SH3PXD2A: variants seen among roughly 807,000 people sequenced by gnomAD.
SH3PXD2A encodes the protein SH3 and PX domains 2A, also known as SH3 and PX domain-containing protein 2A.
SH3PXD2A carries 32 observed loss-of-function variants against 115.2 expected under a neutral mutation model. That is an observed-to-expected ratio of 0.28 (90% CI 0.21 to 0.37). The LOEUF (loss-of-function observed/expected upper bound fraction) is 0.37, where lower values mean the gene tolerates loss of function less well. SH3PXD2A is among the 10% of genes least tolerant of loss of function. The pLI is 1.00. For synonymous variants in SH3PXD2A, 610 were observed against 629.1 expected, an observed-to-expected ratio of 0.97 and a Z score of 0.45; for missense variants, 1,328 against 1,498.7, an observed-to-expected ratio of 0.89 and a Z score of 1.88.
intron 3 of SH3PXD2A, chr10:103,749,949 C>T (rs1303947994): frequency 6.6e-6 from 1 of 152,238 alleles, no homozygotes; most frequent in East Asian, 1.9e-4. Flanking sequence ...GTCAAGCCTT[C>T]AGCTGAATCT....
intron 1 of SH3PXD2A, among the ~76,000 whole-genome samples, chr10:103,803,501 G>A (rs1171682762): frequency 6.6e-6 from 1 of 152,120 alleles, no homozygotes; most frequent in Non-Finnish European, 1.5e-5. Context: ...GCCCAATAAG[G>A]TAGCTACCAC....
At chr10:103,603,893 A>G (rs745982454) in intron 14 of SH3PXD2A, 104 bp from the exon 15 acceptor site, 173 of 1,285,222 alleles carry the variant, frequency 1.3e-4, no homozygotes, top group Non-Finnish European at 1.7e-4. Context: ...AATTATCTCC[A>G]TTTTACAGAT....
intron 1 of SH3PXD2A, among the ~76,000 whole-genome samples, chr10:103,837,726 A>G (rs562496633): frequency 6.6e-6 from 1 of 152,302 alleles, no homozygotes; most frequent in East Asian, 1.9e-4. Flanking sequence ...TGAAATAGGC[A>G]GGAGAACTGT....
chr10:103,626,868 A>G (rs2036704802), intron 9 of SH3PXD2A, among the ~76,000 whole-genome samples: 1 of 152,104 alleles, frequency 6.6e-6, no homozygotes, highest in South Asian at 2.1e-4. Context: ...TAGGGGTCTG[A>G]GCCATCCCTC....
chr10:103,602,984 C>T lies in SH3PXD2A; in HGVS notation c.2234G>A (p.Gly745Glu). Reference protein sequence around the residue: ...RAKKDADANAGLTSCPRAKPS... With the variant: ...RAKKDADANAELTSCPRAKPS... Reference sequence around the variant, plus strand: ...CTTGGCCCGGGGACAGGAGGTCAGCCCAGCGTTCGCATCAGCATCCTTCTT... The same window carrying T: ...CTTGGCCCGGGGACAGGAGGTCAGCTCAGCGTTCGCATCAGCATCCTTCTT... Residue 745 changes from glycine to glutamate, a missense_variant, in exon 15 of 15, where the codon GGG (glycine) becomes GAG (glutamate). Around this residue, in one of 5 missense-constraint regions of SH3PXD2A, gnomAD observed 574 missense variants for 565.7 expected, o/e 1.01. Transcript: ENST00000369774. 6.2e-7 allele frequency: 1 copy of T among 1,614,196 alleles called. No homozygotes were observed. The highest frequency in any genetic ancestry group is 1.3e-5 in the African/African-American group (1 of 75,062).
intron 4 of SH3PXD2A, among the ~76,000 whole-genome samples, chr10:103,734,138 G>A (rs534772998): frequency 1.3e-5 from 2 of 152,258 alleles, no homozygotes; most frequent in Non-Finnish European, 2.9e-5. Context: ...CCAAGGTCAC[G>A]TAGCTAGTAA....
intron 13 of SH3PXD2A, among the ~76,000 whole-genome samples, chr10:103,607,561 C>G (rs867150453): frequency 1.3e-5 from 2 of 149,358 alleles, no homozygotes; most frequent in Non-Finnish European, 3.0e-5. Flanking sequence ...CCAGCCGCCC[C>G]GTCCGGGAGG....
chr10:103,779,633 T>C (rs1240452940), intron 2 of SH3PXD2A, among the ~76,000 whole-genome samples: 1 of 152,190 alleles, frequency 6.6e-6, no homozygotes, highest in African/African-American at 2.4e-5. Context: ...AAGACACATC[T>C]GGCCAGTACA....
chr10:103,718,797 ACG>A lies in SH3PXD2A; in HGVS notation c.398+5471_398+5472del, dbSNP rs1491236050. On this transcript the variant is annotated intron_variant, in intron 5 of 14. Transcript: ENST00000369774. ...CACACACACACACACACACACACAC[ACG>A]CACATACACCCCTATTCAACTGCTG... 3.3e-5 allele frequency among the ~76,000 whole-genome samples: 5 copies of A among 149,830 alleles called. No homozygotes were observed. The East Asian group carries it at 5.9e-4, about 18-fold the overall frequency.
At chr10:103,816,678 T>C (rs2039326642) in intron 1 of SH3PXD2A, among the ~76,000 whole-genome samples, 1 of 152,172 alleles carries the variant, frequency 6.6e-6, no homozygotes, top group African/African-American at 2.4e-5. Context: ...AAATGAAAAC[T>C]TACATCCACA....
Position 103,717,511 on chromosome 10 carries a change from G to A in SH3PXD2A, c.398+6759C>T, listed in dbSNP as rs537415926. On this transcript the variant is annotated intron_variant, in intron 5 of 14. Transcript: ENST00000369774. ...CATGGGGCAGAGCATGGAGGCTGGC[G>A]ACAAGCTAAGAAAAGAATGAGGGCG... is the stretch of plus-strand genomic sequence containing the variant. 1.1e-4 allele frequency among the ~76,000 whole-genome samples: 16 copies of A among 152,304 alleles called. No homozygotes were observed. In the East Asian group the frequency reaches 2.5e-3, roughly 24 times the overall value.
chr10:103,841,642 T>A (rs959545251), intron 1 of SH3PXD2A, among the ~76,000 whole-genome samples: 1 of 152,094 alleles, frequency 6.6e-6, no homozygotes, highest in Admixed American at 6.5e-5. Flanking sequence ...TCTGACCCCA[T>A]GACCTGCTGC....
intron 10 of SH3PXD2A, among the ~76,000 whole-genome samples, chr10:103,621,638 C>T (rs143534239): frequency 3.6e-4 from 55 of 152,362 alleles, no homozygotes; most frequent in South Asian, 1.7e-3. Context: ...ACACCCTGCT[C>T]CATGCGGGGC....
chr10:103,829,952 A>G (rs996182926), intron 1 of SH3PXD2A, among the ~76,000 whole-genome samples: 31 of 152,204 alleles, frequency 2.0e-4, no homozygotes, highest in Non-Finnish European at 1.6e-4. Context: ...CTAAATCCCA[A>G]AACTGGCTTC....
chr10:103,851,370 G>A (rs775090178), intron 1 of SH3PXD2A, among the ~76,000 whole-genome samples: 10 of 152,090 alleles, frequency 6.6e-5, no homozygotes, highest in South Asian at 2.1e-4. Context: ...ACCCGCCTGC[G>A]TTGCCCACCA....
rs1456158268 is a variant in SH3PXD2A, at chr10:103,627,552, T to G, written c.605-350A>C. Among the ~76,000 whole-genome samples the G allele has an allele frequency of 2.6e-5, 4 of 152,306 alleles. No individual in the cohort carries two copies. Among genetic ancestry groups the G allele is most frequent in the Non-Finnish European group, 5.9e-5 (4 of 68,022 alleles). On this transcript the variant is annotated intron_variant, in intron 8 of 14. Coordinates refer to ENST00000369774, the MANE Select transcript of SH3PXD2A (RefSeq NM_001394015.1). This position sits in a 1 kb window ranked among gnomAD's most constrained non-coding sequence, Gnocchi z 4.4. Reference sequence around the variant, plus strand: ...GGCCATACAGAGAGACCATTTATGGTCTTTGAAACCCATTAGGATGACTGG... The same window carrying G: ...GGCCATACAGAGAGACCATTTATGGGCTTTGAAACCCATTAGGATGACTGG...
intron 6 of SH3PXD2A, 26 bp from the exon 7 acceptor site, chr10:103,668,678 C>T (rs1200147299): frequency 6.6e-7 from 1 of 1,524,122 alleles, no homozygotes; most frequent in Admixed American, 2.1e-5. Context: ...GAGCAAGCGG[C>T]AGCAGGAGAG....
rs528319843 is a variant in SH3PXD2A, at chr10:103,613,154, G to A, written c.957C>T (p.Tyr319=). Reference sequence around the variant, plus strand: ...GCAGGTCATCCTTGGCCTTCTTCAGGTAGGATGCTGGCGCCCAGCCCTCTT... The same window carrying A: ...GCAGGTCATCCTTGGCCTTCTTCAGATAGGATGCTGGCGCCCAGCCCTCTT... ...LGKEGWAPAS[Y]LKKAKDDLPT... The change falls in exon 12 of 15, where the codon TAC becomes TAT. Residue 319 remains tyrosine, a synonymous_variant. Transcript: ENST00000369774. 1.2e-6 allele frequency: 2 copies of A among 1,610,112 alleles called. No individual in the cohort carries two copies. The highest frequency in any genetic ancestry group is 2.2e-5 in the East Asian group (1 of 44,876).
chr10:103,669,140 C>T lies in SH3PXD2A; in HGVS notation c.428-488G>A, dbSNP rs1334700505. 2.6e-5 allele frequency among the ~76,000 whole-genome samples: 4 copies of T among 152,232 alleles called. No individual in the cohort carries two copies. In the East Asian group the frequency reaches 7.7e-4, roughly 29 times the overall value. On this transcript the variant is annotated intron_variant, in intron 6 of 14. Coordinates refer to ENST00000369774, the MANE Select transcript of SH3PXD2A (RefSeq NM_001394015.1). ...CCCATCTCTAGGCCTGGGGGCACCA[C>T]ACCCACTAGACCCTGATGTGTCATC...
Sources: allele counts gnomAD v4.1 joint callset (sites outside exome capture counted in the v4.1 genomes callset), GRCh38; gene constraint gnomAD v4.1.1; regional missense constraint gnomAD v4.1.1; non-coding constraint Gnocchi (gnomAD v3.1); transcripts MANE v1.5; gene names NCBI Gene and HGNC (gene_info 2026-07-23, HGNC 2026-07-21).